The following ATP23 variants were observed in gnomAD, a reference collection of about 807,000 sequenced individuals.
The protein encoded by ATP23 is ATP23 metallopeptidase and ATP synthase assembly factor homolog, also known as mitochondrial inner membrane protease ATP23 homolog.
Under a neutral mutation model 28.5 loss-of-function variants are expected in ATP23, and 24 were observed. The observed-to-expected ratio is 0.84, with a 90% CI of 0.61 to 1.18. The LOEUF (loss-of-function observed/expected upper bound fraction) is 1.18, where lower values mean the gene tolerates loss of function less well. ATP23 is among the 50% of genes most tolerant of loss of function. The pLI is 0.00. For missense variants in ATP23, 274 were observed against 306.4 expected (o/e 0.89, Z 0.79); for synonymous variants, 99 against 108.6 (o/e 0.91, Z 0.55).
intron 2 of ATP23, 40 bp downstream of exon 2, chr12:57,945,713 T>G: frequency 1.3e-6 from 2 of 1,598,254 alleles, no homozygotes; most frequent in Non-Finnish European, 1.7e-6. Flanking sequence ...GAGGTCTGGC[T>G]GCTGAAAACA....
At chr12:57,950,634 C>T (rs1420384131) in intron 3 of ATP23, among the ~76,000 whole-genome samples, 2 of 151,954 alleles carry the variant, frequency 1.3e-5, no homozygotes, top group African/African-American at 4.8e-5. Flanking sequence ...AAGTGATCCT[C>T]CTACCTCAGC....
Position 57,943,221 on chromosome 12 carries a change from A to G in ATP23, c.187+1333A>G, listed in dbSNP as rs569434793. On this transcript the variant is annotated intron_variant, in intron 1 of 5. Transcript: ENST00000300145. ...AGCACCCTGCCTTGAAGGTGCTTCA[A>G]AGTGGAATAGAGTGGAAAGAGTATG... Among the ~76,000 whole-genome samples, 25 of 152,310 alleles carry G rather than the reference A, an allele frequency of 1.6e-4. No individual in the cohort carries two copies. In the South Asian group the frequency reaches 5.2e-3, roughly 32 times the overall value.
intron 4 of ATP23, among the ~76,000 whole-genome samples, chr12:57,952,486 A>G (rs1956824999): frequency 6.6e-6 from 1 of 152,212 alleles, no homozygotes; most frequent in South Asian, 2.1e-4. Context: ...AAAATACAAC[A>G]TAAAAAGATA....
Position 57,947,094 on chromosome 12 carries a change from A to G in ATP23, c.315+18A>G. 2 of 1,610,454 alleles carry G rather than the reference A, an allele frequency of 1.2e-6. No individual in the cohort carries two copies. The highest frequency in any genetic ancestry group is 2.2e-5 in the South Asian group (2 of 90,838). ...CATCTCAGGTAGGCATTATTGCCAA[A>G]TTGTTTCCTTCCCTTTAATCCTCTC... On this transcript the variant is annotated intron_variant, in intron 3 of 5. Transcript: ENST00000300145.
chr12:57,958,612 G>T lies in ATP23; in HGVS notation c.*1722G>T, dbSNP rs970758489. Among the ~76,000 whole-genome samples, 5 of 152,222 alleles carry T rather than the reference G, an allele frequency of 3.3e-5. No individual in the cohort carries two copies. Among genetic ancestry groups the T allele is most frequent in the Admixed American group, 1.3e-4 (2 of 15,290 alleles). On this transcript the variant is annotated 3_prime_UTR_variant, in exon 6 of 6. Transcript: ENST00000300145. ...GCATGGAGCTGGGTAGACTCACTGG[G>T]TGGCTAGACCCAGAAGAGAGACAAC...
At chr12:57,945,309 T>C (rs1956749130) in intron 1 of ATP23, among the ~76,000 whole-genome samples, 1 of 152,194 alleles carries the variant, frequency 6.6e-6, no homozygotes, top group South Asian at 2.1e-4. Context: ...CTCAGCTCAC[T>C]GTAATGTCTG....
chr12:57,948,021 T>TG (rs769950983), intron 3 of ATP23, among the ~76,000 whole-genome samples: 60 of 152,340 alleles, frequency 3.9e-4, no homozygotes, highest in Non-Finnish European at 6.6e-4. Context: ...GTCTAGATTT[T>TG]GGAGTCAGAC....
chr12:57,954,194 CA>C (rs11357155), intron 5 of ATP23, among the ~76,000 whole-genome samples: 23,604 of 71,148 alleles, frequency 0.33, 1,435 homozygotes, highest in East Asian at 0.54. Flanking sequence ...GACTCCATCT[CA>C]AAAAAAAAAA....
Position 57,949,457 on chromosome 12 carries a change from G to C in ATP23, c.316-2301G>C, listed in dbSNP as rs187710126. 2.6e-4 allele frequency among the ~76,000 whole-genome samples: 39 copies of C among 152,108 alleles called. No homozygotes were observed. In the East Asian group the frequency reaches 7.4e-3, roughly 29 times the overall value. On this transcript the variant is annotated intron_variant, in intron 3 of 5. Transcript: ENST00000300145. ...AAGTGCCCATTTAACACCTCTACTT[G>C]AGCATCTTTTTATTTATTTATTTAT...
chr12:57,941,613 G>T lies in ATP23; in HGVS notation c.-89G>T, dbSNP rs1956702367. The stretch of plus-strand genomic sequence containing the variant: ...TTCCCTGCGGAGGGAGGGCCTGGGC[G>T]GTCGCGTTGGCGGGAGGGAGGTTAC... On this transcript the variant is annotated 5_prime_UTR_variant, in exon 1 of 6. Transcript: ENST00000300145. The T allele has an allele frequency of 1.3e-6, 2 of 1,493,556 alleles. No individual in the cohort carries two copies. The highest frequency in any genetic ancestry group is 1.8e-6 in the Non-Finnish European group (2 of 1,119,956). 92.5% of individuals were successfully genotyped at this position (1,493,556 alleles called of 1,614,324 possible). A position where few individuals can be genotyped will look rare whatever the true frequency, so the allele number is the denominator to read the frequency against.
In ATP23 at chr12:57,958,540, T is replaced by G. The variant is rs1956890036; in HGVS notation, c.*1650T>G. ...CTGGTATCCACAGCCGAGAGACCCA[T>G]AGACGGTTCACATCACAGGATTCTG... On this transcript the variant is annotated 3_prime_UTR_variant, in exon 6 of 6. Coordinates refer to ENST00000300145, the MANE Select transcript of ATP23 (RefSeq NM_033276.4). Among the ~76,000 whole-genome samples, 1 of 152,116 alleles carries G rather than the reference T, an allele frequency of 6.6e-6. No individual in the cohort carries two copies.
At position 57,957,342 on chromosome 12, in the gene ATP23, A is replaced by C. The variant is rs1956878403; in HGVS notation, c.*452A>C. The C allele has an allele frequency of 6.5e-6, 1 of 154,026 alleles. No individual in the cohort carries two copies. Among genetic ancestry groups the C allele is most frequent in the Non-Finnish European group, 1.4e-5 (1 of 69,302 alleles). 9.5% of individuals were successfully genotyped at this position (154,026 alleles called of 1,614,324 possible). A position where few individuals can be genotyped will look rare whatever the true frequency, so the allele number is the denominator to read the frequency against. ...AATAATTCATTCAGTGGTCAATGCT[A>C]TCCTCTCCCTATTCTTCTTTTATCA... On this transcript the variant is annotated 3_prime_UTR_variant, in exon 6 of 6. Coordinates refer to ENST00000300145, the MANE Select transcript of ATP23 (RefSeq NM_033276.4).
At chr12:57,946,627 G>A (rs1226965990) in intron 2 of ATP23, among the ~76,000 whole-genome samples, 1 of 147,532 alleles carries the variant, frequency 6.8e-6, no homozygotes, top group Non-Finnish European at 1.5e-5. Flanking sequence ...GGCTAATTTT[G>A]TATTTTTAGT....
chr12:57,953,828 A>C, intron 5 of ATP23, 139 bp downstream of exon 5: 1 of 753,330 alleles, frequency 1.3e-6, no homozygotes, highest in Non-Finnish European at 2.2e-6. Context: ...GTACCATTTA[A>C]ACAAAGTAGA....
intron 2 of ATP23, among the ~76,000 whole-genome samples, 198 bp downstream of exon 2, chr12:57,945,871 T>G (rs1956755543): frequency 6.6e-6 from 1 of 151,800 alleles, no homozygotes; most frequent in Non-Finnish European, 1.5e-5. Flanking sequence ...CTCATGTTTT[T>G]TTTTTTTTTT....
In ATP23 at chr12:57,956,846, C is replaced by A. The variant is rs758248049; in HGVS notation, c.697C>A (p.His233Asn). The A allele has an allele frequency of 1.7e-5, 28 of 1,613,314 alleles. No individual in the cohort carries two copies. Among genetic ancestry groups the A allele is most frequent in the Admixed American group, 3.3e-5 (2 of 59,868 alleles). The change falls in exon 6 of 6, where the codon CAC becomes AAC. Residue 233 changes from histidine to asparagine, a missense_variant. Transcript: ENST00000300145. Reference protein sequence around the residue: ...PHNKTYARYAHRDFENRDRYY... With the variant: ...PHNKTYARYANRDFENRDRYY... ...TAACAAGACTTATGCAAGATATGCT[C>A]ACAGAGACTTTGAAAACCGTGATCG...
rs1245670937 is a variant in ATP23 at position 57,957,906 on chromosome 12, C to T, written c.*1016C>T. On this transcript the variant is annotated 3_prime_UTR_variant, in exon 6 of 6. Transcript: ENST00000300145. Reference sequence around the variant, plus strand: ...CTCCCGGCCAGAACTTGGGAGAGGGCACAAATCCCATGTGCAGAATCCACA... The same window carrying T: ...CTCCCGGCCAGAACTTGGGAGAGGGTACAAATCCCATGTGCAGAATCCACA... 6.6e-6 allele frequency among the ~76,000 whole-genome samples: 1 copy of T among 152,212 alleles called. No homozygotes were observed. The highest frequency in any genetic ancestry group is 1.5e-5 in the Non-Finnish European group (1 of 68,040).
intron 4 of ATP23, among the ~76,000 whole-genome samples, chr12:57,952,228 A>T (rs1956823046): frequency 1.3e-5 from 2 of 152,202 alleles, no homozygotes; most frequent in Non-Finnish European, 2.9e-5. Context: ...ATTAAAATTT[A>T]CTGAGGGCTG....
At chr12:57,956,527 T>C (rs937250091) in intron 5 of ATP23, among the ~76,000 whole-genome samples, 160 bp from the exon 6 acceptor site, 5 of 152,224 alleles carry the variant, frequency 3.3e-5, no homozygotes, top group Non-Finnish European at 7.3e-5. Flanking sequence ...TTAAGTGTTA[T>C]GGATCTTTGT....
Sources: allele counts gnomAD v4.1 joint callset (sites outside exome capture counted in the v4.1 genomes callset), GRCh38; gene constraint gnomAD v4.1.1; transcripts MANE v1.5; gene names NCBI Gene and HGNC (gene_info 2026-07-23, HGNC 2026-07-21).